ATP8A2: variants seen among roughly 807,000 people sequenced by gnomAD.
ATP8A2 encodes phospholipid-transporting ATPase IB.
ATP8A2 carries 100 observed loss-of-function variants against 165.6 expected under a neutral mutation model. That is an observed-to-expected ratio of 0.60 (90% CI 0.51 to 0.71). The LOEUF (loss-of-function observed/expected upper bound fraction) is 0.71. Ranked by LOEUF, ATP8A2 falls within the 30% of genes least tolerant of loss-of-function variation. The pLI is 0.00. For missense variants in ATP8A2, 1,227 were observed against 1,479.5 expected (o/e 0.83, Z 2.80); for synonymous variants, 543 against 548.8 (o/e 0.99, Z 0.15).
intron 24 of ATP8A2, among the ~76,000 whole-genome samples, chr13:25,675,644 T>C (rs2042356640): frequency 6.6e-6 from 1 of 152,248 alleles, no homozygotes; most frequent in Admixed American, 6.5e-5. Context: ...AAGAATATCA[T>C]GTAAACATGT....
intron 33 of ATP8A2, among the ~76,000 whole-genome samples, chr13:25,886,594 C>G (rs761830505): frequency 1.3e-5 from 2 of 152,178 alleles, no homozygotes; most frequent in Non-Finnish European, 2.9e-5. Context: ...CGCTGGATGC[C>G]GACAGCACGA....
At chr13:25,604,580 T>C (rs930945038) in intron 24 of ATP8A2, among the ~76,000 whole-genome samples, 4 of 152,258 alleles carry the variant, frequency 2.6e-5, no homozygotes, top group African/African-American at 9.6e-5. Flanking sequence ...ATGAATATTC[T>C]TTCTTTTAAC....
intron 33 of ATP8A2, among the ~76,000 whole-genome samples, chr13:25,946,957 A>G (rs1441259986): frequency 1.3e-5 from 2 of 152,196 alleles, no homozygotes; most frequent in African/African-American, 4.8e-5. Flanking sequence ...CATGCTTGCC[A>G]GGCTGGTCTT....
chr13:25,568,580 A>C (rs907687790), intron 16 of ATP8A2, among the ~76,000 whole-genome samples: 2 of 152,178 alleles, frequency 1.3e-5, no homozygotes, highest in African/African-American at 4.8e-5. Context: ...TACAGAAAAC[A>C]AAATAGAGGT....
intron 12 of ATP8A2, 102 bp from the exon 13 acceptor site, chr13:25,554,889 G>A (rs1385401520): frequency 1.3e-6 from 1 of 762,950 alleles, no homozygotes; most frequent in African/African-American, 1.8e-5. Context: ...AAATAAAAGG[G>A]TTTTAGATTA....
chr13:25,613,862 A>G (rs535277123), intron 24 of ATP8A2, among the ~76,000 whole-genome samples: 1 of 152,160 alleles, frequency 6.6e-6, no homozygotes, highest in African/African-American at 2.4e-5. Context: ...TGTGTCTTTC[A>G]TTTCCAGAGG....
intron 1 of ATP8A2, among the ~76,000 whole-genome samples, chr13:25,442,454 C>T (rs889396736): frequency 4.6e-5 from 7 of 152,194 alleles, no homozygotes; most frequent in African/African-American, 1.7e-4. Context: ...TGCTCTGTCA[C>T]CCACGTTGAA....
intron 34 of ATP8A2, among the ~76,000 whole-genome samples, chr13:25,968,065 C>T (rs1955822156): frequency 6.6e-6 from 1 of 152,174 alleles, no homozygotes; most frequent in Admixed American, 6.5e-5. Flanking sequence ...AGACCATGCA[C>T]TCTAGCATCC....
chr13:25,605,288 C>G (rs2040487537), intron 24 of ATP8A2, among the ~76,000 whole-genome samples: 1 of 152,060 alleles, frequency 6.6e-6, no homozygotes, highest in African/African-American at 2.4e-5. Context: ...TAAGACAGAA[C>G]CTTTGATGTA....
intron 2 of ATP8A2, among the ~76,000 whole-genome samples, chr13:25,483,821 G>T (rs1248741584): frequency 6.6e-6 from 1 of 152,206 alleles, no homozygotes; most frequent in Non-Finnish European, 1.5e-5. Context: ...GTTGCTCATT[G>T]ACACCAGTTA....
intron 1 of ATP8A2, among the ~76,000 whole-genome samples, chr13:25,385,412 G>A (rs2033004141): frequency 6.6e-6 from 1 of 152,100 alleles, no homozygotes; most frequent in Non-Finnish European, 1.5e-5. Flanking sequence ...AATGTCAGTA[G>A]TAATACCTCC....
rs143517607 is a variant in ATP8A2 at position 25,988,790 on chromosome 13, G to C, written c.3377+20111G>C. Among the ~76,000 whole-genome samples the C allele has an allele frequency of 6.4e-3, 973 of 152,322 alleles. 6 individuals carry two copies. Among genetic ancestry groups the C allele is most frequent in the Middle Eastern group, 0.027 (8 of 294 alleles). ...TCTGCCTGTCTCCATGGGCTGGGCT[G>C]AACTTTGAGTGACTCACCCACCGTC... On this transcript the variant is annotated intron_variant, in intron 35 of 36. Transcript: ENST00000381655.
chr13:25,776,933 G>A (rs2044756581), intron 27 of ATP8A2, among the ~76,000 whole-genome samples: 1 of 150,826 alleles, frequency 6.6e-6, no homozygotes, highest in Non-Finnish European at 1.5e-5. Context: ...GTCCCCTAGG[G>A]CCCCTTCTTA....
rs1198530539 is a variant in ATP8A2 at position 25,769,198 on chromosome 13, C to G, written c.2537C>G (p.Ala846Gly). The change falls in exon 26 of 37, where the codon GCC becomes GGC. Residue 846 changes from alanine to glycine, a missense_variant. Around this residue, in one of 5 missense-constraint regions of ATP8A2, gnomAD observed 592 missense variants for 785.6 expected, o/e 0.75. Coordinates refer to ENST00000381655, the MANE Select transcript of ATP8A2 (RefSeq NM_016529.6). ...ATCAGTGGGAATGAAGGCATGCAGG[C>G]CACCAACAACTCGGATTACGCCATC... Reference protein sequence around the residue: ...VGISGNEGMQATNNSDYAIAQ... With the variant: ...VGISGNEGMQGTNNSDYAIAQ... The G allele has an allele frequency of 6.2e-7, 1 of 1,613,218 alleles. No individual in the cohort carries two copies. Among genetic ancestry groups the G allele is most frequent in the Non-Finnish European group, 8.5e-7 (1 of 1,179,352 alleles).
At chr13:25,761,026 G>T (rs958593333) in intron 25 of ATP8A2, among the ~76,000 whole-genome samples, 5 of 152,144 alleles carry the variant, frequency 3.3e-5, no homozygotes, top group Admixed American at 1.3e-4. Context: ...AAAGCAAGAT[G>T]CTTGCACAGC....
At chr13:25,949,777 T>C (rs1955304329) in intron 33 of ATP8A2, among the ~76,000 whole-genome samples, 1 of 152,310 alleles carries the variant, frequency 6.6e-6, no homozygotes, top group Admixed American at 6.5e-5. Flanking sequence ...ATTTATGTTG[T>C]TGTTAAAAGT....
chr13:25,898,896 G>A (rs1387934832), intron 33 of ATP8A2, among the ~76,000 whole-genome samples: 1 of 152,204 alleles, frequency 6.6e-6, no homozygotes, highest in Non-Finnish European at 1.5e-5. Context: ...GTATTAGGGT[G>A]GGAGTGACCC....
chr13:25,998,846 A>G (rs541922306), intron 35 of ATP8A2, among the ~76,000 whole-genome samples: 1 of 152,294 alleles, frequency 6.6e-6, no homozygotes, highest in South Asian at 2.1e-4. Flanking sequence ...AAAAAATTAC[A>G]ATGTTTCATC....
chr13:25,912,614 T>G (rs893837448), intron 33 of ATP8A2, among the ~76,000 whole-genome samples: 1 of 152,204 alleles, frequency 6.6e-6, no homozygotes, highest in Non-Finnish European at 1.5e-5. Flanking sequence ...TTATTCCACA[T>G]TGTATTCGTG....
Sources: allele counts gnomAD v4.1 joint callset (sites outside exome capture counted in the v4.1 genomes callset), GRCh38; gene constraint gnomAD v4.1.1; regional missense constraint gnomAD v4.1.1; transcripts MANE v1.5; gene names NCBI Gene and HGNC (gene_info 2026-07-23, HGNC 2026-07-21).